Variants in PRICKLE1 observed in about 807,000 individuals in gnomAD.
PRICKLE1 encodes the protein prickle planar cell polarity protein 1.
Under a neutral mutation model 70.2 loss-of-function variants are expected in PRICKLE1, and 14 were observed. The observed-to-expected ratio is 0.20, with a 90% CI of 0.13 to 0.31. The LOEUF is 0.31. Ranked by LOEUF, PRICKLE1 falls within the 10% of genes least tolerant of loss-of-function variation. The pLI is 1.00. For synonymous variants in PRICKLE1, 357 were observed against 379.9 expected (o/e 0.94, Z 0.70); for missense variants, 821 against 1,026.2 (o/e 0.80, Z 2.73).
At chr12:42,553,305 G>A (rs1190327052) in intron 1 of PRICKLE1, among the ~76,000 whole-genome samples, 3 of 151,984 alleles carry the variant, frequency 2.0e-5, no homozygotes, top group Admixed American at 6.6e-5. Flanking sequence ...TTAGCCGGGC[G>A]TGGTAGCGGG....
At chr12:42,541,270 G>GT (rs1940109003) in intron 1 of PRICKLE1, among the ~76,000 whole-genome samples, 1 of 151,890 alleles carries the variant, frequency 6.6e-6, no homozygotes, top group Admixed American at 6.6e-5. Flanking sequence ...AAAGAAGATT[G>GT]TTTTTGTCCT....
At chr12:42,535,364 C>A (rs1037635805) in intron 1 of PRICKLE1, among the ~76,000 whole-genome samples, 2 of 152,208 alleles carry the variant, frequency 1.3e-5, no homozygotes, top group South Asian at 2.1e-4. Context: ...ACTGAATGAA[C>A]CAACACATTT....
chr12:42,563,391 T>C (rs537525387), intron 1 of PRICKLE1, among the ~76,000 whole-genome samples: 13 of 151,764 alleles, frequency 8.6e-5, no homozygotes, highest in African/African-American at 3.1e-4. Flanking sequence ...TTGCACAATA[T>C]TGGAGTTTTT....
chr12:42,481,187 T>A (rs1938779012), intron 1 of PRICKLE1, among the ~76,000 whole-genome samples: 1 of 152,152 alleles, frequency 6.6e-6, no homozygotes, highest in African/African-American at 2.4e-5. Context: ...AGATACATAT[T>A]GAGGTTGTAA....
At chr12:42,534,417 C>T (rs1025968649) in intron 1 of PRICKLE1, among the ~76,000 whole-genome samples, 2 of 152,196 alleles carry the variant, frequency 1.3e-5, no homozygotes, top group African/African-American at 2.4e-5. Flanking sequence ...AGAGCTATTT[C>T]AGCCTTGGGC....
intron 1 of PRICKLE1, among the ~76,000 whole-genome samples, chr12:42,532,745 A>G (rs1431342263): frequency 1.3e-5 from 2 of 152,038 alleles, no homozygotes; most frequent in Non-Finnish European, 2.9e-5. Context: ...AAAATACAAA[A>G]AATTAGCCGC....
chr12:42,465,047 G>A lies in PRICKLE1; in HGVS notation c.987C>T (p.Asp329=), dbSNP rs1938037593. 1 of 1,586,188 alleles carries A rather than the reference G, an allele frequency of 6.3e-7. No individual in the cohort carries two copies. Among genetic ancestry groups the A allele is most frequent in the South Asian group, 1.2e-5 (1 of 85,552 alleles). ...TGCCCATTCGGACACTTCTTCGGGA[G>A]TCTCTTGATCGAGCTGACTGAAATG... is the stretch of plus-strand genomic sequence containing the variant. ...DSAFQSARSR[D]SRRSVRMGKS... The change falls in exon 7 of 8, where the codon GAC becomes GAT. Residue 329 remains aspartate, a synonymous_variant. Transcript: ENST00000345127.
At chr12:42,574,565 T>A (rs1382453795) in intron 1 of PRICKLE1, among the ~76,000 whole-genome samples, 1 of 152,354 alleles carries the variant, frequency 6.6e-6, no homozygotes, top group South Asian at 2.1e-4. Flanking sequence ...ACATTCTGAT[T>A]GCTCAGTGAA....
chr12:42,586,713 T>C lies in PRICKLE1; in HGVS notation c.-49+2752A>G, dbSNP rs536761057. 2.0e-5 allele frequency among the ~76,000 whole-genome samples: 3 copies of C among 152,352 alleles called. No homozygotes were observed. The South Asian group carries it at 6.2e-4, about 32-fold the overall frequency. On this transcript the variant is annotated intron_variant, in intron 1 of 7. Transcript: ENST00000345127. ...GGAAAATACTTTGTAAAGATTCTTG[T>C]TCCATTTCATGAGTATTATAGACAA...
Position 42,464,437 on chromosome 12 carries a change from C to T in PRICKLE1, c.1597G>A (p.Val533Ile). ...CLSDLKPEQS[V>I]RDSMDSLALS... is the part of the protein sequence containing the mutation. ...GCCAAAGAATCCATCGAATCCCGAA[C>T]ACTTTGCTCTGGTTTCAGGTCTGAC... is the stretch of plus-strand genomic sequence containing the variant. Residue 533 changes from valine (V) to isoleucine (I), a missense_variant, in exon 7 of 8, where the codon GTT (valine) becomes ATT (isoleucine). By Grantham distance (29) the Val-to-Ile change is conservative. Coordinates refer to ENST00000345127, the MANE Select transcript of PRICKLE1 (RefSeq NM_153026.3). The surrounding 1 kb of genome is among the most constrained non-coding windows in gnomAD (Gnocchi z 4.2). 1 of 1,614,094 alleles carries T rather than the reference C, an allele frequency of 6.2e-7. No homozygotes were observed. Among genetic ancestry groups the T allele is most frequent in the Non-Finnish European group, 8.5e-7 (1 of 1,180,026 alleles).
At position 42,522,962 on chromosome 12, in the gene PRICKLE1, A is replaced by ATT. The variant is rs3083872; in HGVS notation, c.-48-50400_-48-50399dup. Among the ~76,000 whole-genome samples the ATT allele has an allele frequency of 1.0e-3, 141 of 139,616 alleles. 1 individual carries two copies. Among genetic ancestry groups the ATT allele is most frequent in the African/African-American group, 3.2e-3 (119 of 37,698 alleles). 91.6% of individuals were successfully genotyped at this position (139,616 alleles called of 152,430 possible). A position where few individuals can be genotyped will look rare whatever the true frequency, so the allele number is the denominator to read the frequency against. On this transcript the variant is annotated intron_variant, in intron 1 of 7. Transcript: ENST00000345127. The stretch of plus-strand genomic sequence containing the variant: ...GTTAGTTGAAAGGTGATTCTAACAT[A>ATT]TTTTTTTTTTTTTTTTTGAGATGGA...
At chr12:42,505,918 T>C (rs1939400751) in intron 1 of PRICKLE1, among the ~76,000 whole-genome samples, 1 of 152,346 alleles carries the variant, frequency 6.6e-6, no homozygotes, top group East Asian at 1.9e-4. Context: ...CATAGATAAC[T>C]GCAATTTGTA....
intron 1 of PRICKLE1, among the ~76,000 whole-genome samples, chr12:42,530,504 A>G (rs768335291): frequency 2.6e-5 from 4 of 151,896 alleles, no homozygotes; most frequent in Non-Finnish European, 5.9e-5. Context: ...CTTTAATACT[A>G]CTCAGGGGAT....
intron 1 of PRICKLE1, among the ~76,000 whole-genome samples, chr12:42,535,078 A>G (rs1290394371): frequency 6.6e-6 from 1 of 152,172 alleles, no homozygotes; most frequent in Non-Finnish European, 1.5e-5. Context: ...AACCTAGCCA[A>G]CTGGAACATT....
At chr12:42,482,545 G>A (rs1303252235) in intron 1 of PRICKLE1, among the ~76,000 whole-genome samples, 2 of 152,194 alleles carry the variant, frequency 1.3e-5, no homozygotes, top group Non-Finnish European at 2.9e-5. Context: ...CACAGACTCA[G>A]GTTTCGCCCC....
At chr12:42,472,229 A>G (rs564682877) in intron 2 of PRICKLE1, among the ~76,000 whole-genome samples, 156 bp downstream of exon 2, 3 of 152,244 alleles carry the variant, frequency 2.0e-5, no homozygotes, top group Admixed American at 6.5e-5. Flanking sequence ...ATGACCTTCA[A>G]AAGTAAAACT....
At chr12:42,485,548 A>G (rs191384411) in intron 1 of PRICKLE1, 4 of 152,062 alleles carry the variant, frequency 2.6e-5, no homozygotes, top group Non-Finnish European at 4.4e-5. Flanking sequence ...CCTTTTTCCT[A>G]CTTCACTCTG....
chr12:42,527,692 T>C (rs1939829512), intron 1 of PRICKLE1, among the ~76,000 whole-genome samples: 1 of 151,998 alleles, frequency 6.6e-6, no homozygotes, highest in Non-Finnish European at 1.5e-5. Context: ...GTGGGCTGGG[T>C]CTCAGAATTA....
At chr12:42,549,000 T>G (rs915247051) in intron 1 of PRICKLE1, among the ~76,000 whole-genome samples, 2 of 151,022 alleles carry the variant, frequency 1.3e-5, no homozygotes, top group East Asian at 3.9e-4. Flanking sequence ...GTGCCTATAT[T>G]CCCAGCTATT....
Sources: gnomAD v4.1 joint callset for allele counts (sites outside exome capture counted in the v4.1 genomes callset) on GRCh38, gnomAD v4.1.1 for gene constraint, Gnocchi (gnomAD v3.1) non-coding constraint, MANE v1.5 for transcripts, NCBI Gene and HGNC (gene_info 2026-07-23, HGNC 2026-07-21) for gene names.